Variants in ZNF510 observed in about 807,000 individuals in gnomAD.
ZNF510 encodes zinc finger protein 510.
Under a neutral mutation model 18.1 loss-of-function variants are expected in ZNF510, and 15 were observed. The observed-to-expected ratio is 0.83, with a 90% CI of 0.55 to 1.28. The LOEUF (loss-of-function observed/expected upper bound fraction) is 1.28. Ranked by LOEUF, ZNF510 falls within the 50% of genes most tolerant of loss-of-function variation. The pLI, the probability that ZNF510 is intolerant of heterozygous loss-of-function variation, is 0.00. For synonymous variants in ZNF510, 261 were observed against 266.4 expected (o/e 0.98, Z 0.20); for missense variants, 724 against 791.8 (o/e 0.91, Z 1.03).
intron 3 of ZNF510, among the ~76,000 whole-genome samples, chr9:96,773,479 A>C (rs761739343): frequency 6.6e-6 from 1 of 152,248 alleles, no homozygotes; most frequent in Non-Finnish European, 1.5e-5. Context: ...ATTTGGACAT[A>C]GACTCATACA....
intron 5 of ZNF510, among the ~76,000 whole-genome samples, chr9:96,761,627 T>C (rs759031615): frequency 5.3e-5 from 8 of 151,824 alleles, no homozygotes; most frequent in Admixed American, 1.3e-4. Flanking sequence ...TCTCCTAATA[T>C]TTATGTAATA....
chr9:96,756,439 G>A lies in ZNF510; in HGVS notation c.*2339C>T, dbSNP rs141726543. The A allele has an allele frequency of 9.9e-5, 15 of 152,190 alleles. No individual in the cohort carries two copies. The highest frequency in any genetic ancestry group is 3.6e-4 in the African/African-American group (15 of 41,440). The allele number at this position is 152,190 out of a possible 1,614,324, so 9.4% of individuals were successfully genotyped here. On this transcript the variant is annotated 3_prime_UTR_variant, in exon 6 of 6. Transcript: ENST00000223428. ...TCTACTAAGCCAGCAACTTTGCTTC[G>A]TTCTGGAAAGAGGTGATACATTATT...
In ZNF510 at chr9:96,757,867, T is replaced by C. The variant is rs1849232838; in HGVS notation, c.*911A>G. On this transcript the variant is annotated 3_prime_UTR_variant, in exon 6 of 6. Coordinates refer to ENST00000223428, the MANE Select transcript of ZNF510 (RefSeq NM_014930.3). The stretch of plus-strand genomic sequence containing the variant: ...CTTGAATACAAGCACTGTCATACCC[T>C]GACAGGTGATCTGATAACTAAAATG... The C allele has an allele frequency of 6.7e-6, 1 of 149,988 alleles. No homozygotes were observed. The allele number at this position is 149,988 out of a possible 1,614,324, so 9.3% of individuals were successfully genotyped here. A position where few individuals can be genotyped will look rare whatever the true frequency, so the allele number is the denominator to read the frequency against.
rs370409342 is a variant in ZNF510, at chr9:96,772,812, C to A, written c.129+1976G>T. On this transcript the variant is annotated intron_variant, in intron 3 of 5. Coordinates refer to ENST00000223428, the MANE Select transcript of ZNF510 (RefSeq NM_014930.3). ...TTTGACCACTTAGGCAAGCTACTTGCAGTATGTATTAAAACTGAACATATG... is the reference window on the plus strand; with the variant it reads ...TTTGACCACTTAGGCAAGCTACTTGAAGTATGTATTAAAACTGAACATATG... Among the ~76,000 whole-genome samples the A allele has an allele frequency of 3.9e-5, 6 of 152,292 alleles. No individual in the cohort carries two copies. In the East Asian group the frequency reaches 1.2e-3, roughly 29 times the overall value.
At chr9:96,764,340 C>A (rs942388708) in intron 3 of ZNF510, among the ~76,000 whole-genome samples, 3 of 152,184 alleles carry the variant, frequency 2.0e-5, no homozygotes, top group Non-Finnish European at 4.4e-5. Context: ...GTGGTAAAGA[C>A]AGTGTCTTGC....
intron 3 of ZNF510, among the ~76,000 whole-genome samples, chr9:96,764,930 T>C (rs1021282971): frequency 6.6e-6 from 1 of 152,030 alleles, no homozygotes; most frequent in Non-Finnish European, 1.5e-5. Context: ...CTGACCAACG[T>C]GGTGAAACCC....
At chr9:96,771,173 G>A (rs981205662) in intron 3 of ZNF510, among the ~76,000 whole-genome samples, 6 of 152,088 alleles carry the variant, frequency 3.9e-5, no homozygotes, top group African/African-American at 1.4e-4. Flanking sequence ...GACATGACAT[G>A]ACAGAAAAAC....
chr9:96,775,000 C>A (rs1012940569), intron 2 of ZNF510, among the ~76,000 whole-genome samples, 154 bp from the exon 3 acceptor site: 8 of 151,260 alleles, frequency 5.3e-5, no homozygotes, highest in African/African-American at 2.0e-4. Context: ...GAAAGCACCT[C>A]CTGAATATGT....
At position 96,760,401 on chromosome 9, in the gene ZNF510, G is replaced by A. The variant is rs148449858; in HGVS notation, c.429C>T (p.Ile143=). ...CCTCTGTAGTCAATGTTTTATTATT[G>A]ATACATATTGCTTGCTCCAAGTGTT... The part of the protein sequence containing the change: ...KDKHLEQAIC[I]NNKTLTTEEE... The change falls in exon 6 of 6, where the codon ATC becomes ATT. Residue 143 remains isoleucine, a synonymous_variant. Coordinates refer to ENST00000223428, the MANE Select transcript of ZNF510 (RefSeq NM_014930.3). 137 of 1,613,430 alleles carry A rather than the reference G, an allele frequency of 8.5e-5. No homozygotes were observed. The African/African-American group carries it at 1.8e-3, about 21-fold the overall frequency.
chr9:96,759,076 G>C lies in ZNF510; in HGVS notation c.1754C>G (p.Ser585Ter). The C allele has an allele frequency of 6.2e-7, 1 of 1,614,084 alleles. No individual in the cohort carries two copies. The highest frequency in any genetic ancestry group is 8.5e-7 in the Non-Finnish European group (1 of 1,179,984). ...NECGKTFART[S>*]TLRVHQRIHT... ...AATTCTTTGATGCACTCTGAGGGTT[G>C]ATGTCCGGGCAAAAGTTTTCCCACA... The change falls in exon 6 of 6, where the codon TCA becomes TGA. Residue 585 changes from serine to a stop codon, truncating the protein, a stop_gained. Transcript: ENST00000223428. LOFTEE classifies it low-confidence loss of function (END_TRUNC).
intron 2 of ZNF510, among the ~76,000 whole-genome samples, chr9:96,775,195 G>A (rs903325426): frequency 2.0e-5 from 3 of 151,904 alleles, no homozygotes; most frequent in Non-Finnish European, 2.9e-5. Context: ...GAGTTGCTGG[G>A]ACCAAAGGCA....
Position 96,771,432 on chromosome 9 carries a change from TAAA to T in ZNF510, c.129+3353_129+3355del, listed in dbSNP as rs199560208. Among the ~76,000 whole-genome samples the T allele has an allele frequency of 2.1e-3, 302 of 141,704 alleles. 2 individuals are homozygous for T. Among genetic ancestry groups the T allele is most frequent in the African/African-American group, 7.0e-3 (275 of 39,090 alleles). The allele number at this position is 141,704 out of a possible 152,430, so 93.0% of individuals were successfully genotyped here. On this transcript the variant is annotated intron_variant, in intron 3 of 5. Coordinates refer to ENST00000223428, the MANE Select transcript of ZNF510 (RefSeq NM_014930.3). ...ATCTGACAAAATACTCATGCATGAT[TAAA>T]AAAAAAAAAACTCAGGAAACTAAAA... is the stretch of plus-strand genomic sequence containing the variant.
intron 1 of ZNF510, among the ~76,000 whole-genome samples, chr9:96,776,735 A>AGAT (rs1740874053): frequency 1.3e-5 from 2 of 152,214 alleles, no homozygotes; most frequent in South Asian, 4.1e-4. Context: ...CAGTGAGCCA[A>AGAT]GATCACACCA....
chr9:96,760,342 T>A lies in ZNF510; in HGVS notation c.488A>T (p.His163Leu). 4.3e-6 allele frequency: 7 copies of A among 1,613,888 alleles called. No homozygotes were observed. Among genetic ancestry groups the A allele is most frequent in the Non-Finnish European group, 5.1e-6 (6 of 1,179,876 alleles). ...EKVLGKPFTL[H>L]VAAVASTKMS... ...TTTTGTTGAAGCAACAGCAGCTACA[T>A]GCAGAGTAAATGGTTTCCCCAAAAC... Residue 163 changes from histidine to leucine, a missense_variant, in exon 6 of 6, where the codon CAT becomes CTT. Physicochemically the swap from His to Leu is moderately conservative, Grantham distance 99. Transcript: ENST00000223428.
intron 3 of ZNF510, among the ~76,000 whole-genome samples, chr9:96,769,553 C>T (rs996982146): frequency 1.3e-5 from 2 of 151,876 alleles, no homozygotes; most frequent in Admixed American, 1.3e-4. Flanking sequence ...TTGGCAATGA[C>T]TTCCTGGATA....
At chr9:96,772,900 A>G (rs10118370) in intron 3 of ZNF510, among the ~76,000 whole-genome samples, 9,027 of 152,224 alleles carry the variant, frequency 0.059, 881 homozygotes, top group African/African-American at 0.2. Flanking sequence ...GGACATACCC[A>G]AAGACACAAA....
chr9:96,766,907 AG>A (rs1330524242), intron 3 of ZNF510, among the ~76,000 whole-genome samples: 2 of 152,214 alleles, frequency 1.3e-5, no homozygotes, highest in Admixed American at 1.3e-4. Flanking sequence ...TAATACAATT[AG>A]GAAGATAAAA....
intron 3 of ZNF510, among the ~76,000 whole-genome samples, chr9:96,770,740 G>A (rs1398671904): frequency 1.3e-5 from 2 of 151,530 alleles, no homozygotes; most frequent in African/African-American, 4.9e-5. Context: ...CTGAGATTGT[G>A]TATGTCAGGA....
Position 96,759,464 on chromosome 9 carries a change from C to T in ZNF510, c.1366G>A (p.Ala456Thr), listed in dbSNP as rs567265728. ...HLSTHQRIHT[A>T]EKPYKCNECG... The stretch of plus-strand genomic sequence containing the variant: ...TCATTACATTTATAGGGTTTTTCTG[C>T]TGTATGAATTCTCTGATGAGTACTG... The change falls in exon 6 of 6, where the codon GCA (alanine) becomes ACA (threonine). Residue 456 changes from alanine to threonine, a missense_variant. By Grantham distance (58) the Ala-to-Thr change is moderately conservative. Transcript: ENST00000223428. 1.9e-6 allele frequency: 3 copies of T among 1,614,070 alleles called. No individual in the cohort carries two copies. The highest frequency in any genetic ancestry group is 2.5e-6 in the Non-Finnish European group (3 of 1,179,984).
Sources: gnomAD v4.1 joint callset for allele counts (sites outside exome capture counted in the v4.1 genomes callset) on GRCh38, gnomAD v4.1.1 for gene constraint, MANE v1.5 for transcripts, NCBI Gene and HGNC (gene_info 2026-07-23, HGNC 2026-07-21) for gene names.